The following HDGFL3 variants were observed in gnomAD, a reference collection of about 807,000 sequenced individuals.
HDGFL3 encodes the protein HDGF like 3, also known as hepatoma-derived growth factor-related protein 3.
A neutral mutation model predicts 27.6 loss-of-function variants in HDGFL3; 6 were observed. That is an observed-to-expected ratio of 0.22 (90% confidence interval 0.12 to 0.43). The LOEUF is 0.43. Ranked by LOEUF, HDGFL3 falls within the 20% of genes least tolerant of loss-of-function variation. HDGFL3 has a pLI of 1.00. For synonymous variants in HDGFL3, 88 were observed against 88.9 expected, an observed-to-expected ratio of 0.99 and a Z score of 0.05; for missense variants, 207 against 250.1, an observed-to-expected ratio of 0.83 and a Z score of 1.16.
At chr15:83,141,243 G>A (rs530448261) in intron 5 of HDGFL3, among the ~76,000 whole-genome samples, 1 of 152,182 alleles carries the variant, frequency 6.6e-6, no homozygotes, top group African/African-American at 2.4e-5. Flanking sequence ...CCCTATATTA[G>A]ATAATGGCTG....
At chr15:83,122,053 CT>C (rs1293240841) in intron 3 of HDGFL3, 1 of 1,409,750 alleles carries the variant, frequency 7.1e-7, no homozygotes, top group Non-Finnish European at 9.9e-7. Context: ...AACAATGGGG[CT>C]TGTTTTTAAA....
At chr15:83,187,887 C>CAAA (rs748482520) in intron 1 of HDGFL3, among the ~76,000 whole-genome samples, 8 of 75,484 alleles carry the variant, frequency 1.1e-4, no homozygotes, top group South Asian at 1.0e-3. Flanking sequence ...AACTCTGTCT[C>CAAA]AAAAAAAAAA....
At chr15:83,166,097 C>T (rs759714945) in intron 1 of HDGFL3, among the ~76,000 whole-genome samples, 1 of 151,984 alleles carries the variant, frequency 6.6e-6, no homozygotes, top group Non-Finnish European at 1.5e-5. Context: ...GCAAGAAATC[C>T]AGAGAATACT....
intron 1 of HDGFL3, among the ~76,000 whole-genome samples, chr15:83,188,834 C>A (rs898869657): frequency 3.3e-5 from 5 of 152,106 alleles, no homozygotes; most frequent in Admixed American, 6.6e-5. Context: ...AAACTCCAGA[C>A]CTCTCATATG....
chr15:83,121,418 A>G (rs769094252), intron 3 of HDGFL3, among the ~76,000 whole-genome samples: 1 of 152,152 alleles, frequency 6.6e-6, no homozygotes, highest in African/African-American at 2.4e-5. Flanking sequence ...GATTTGGGGT[A>G]TATGTCTAGC....
At chr15:83,113,511 A>G (rs2034384513) in exon 4 of HDGFL3, 1 of 152,552 alleles carries the variant, frequency 6.6e-6, no homozygotes, top group Admixed American at 6.5e-5. Flanking sequence ...GCCCCAGCCA[A>G]GCTGCTACCG....
chr15:83,159,278 G>A (rs1047092098), intron 2 of HDGFL3, among the ~76,000 whole-genome samples: 30 of 152,148 alleles, frequency 2.0e-4, no homozygotes, highest in African/African-American at 7.2e-4. Flanking sequence ...AAAAAAAGAA[G>A]TTAGAACAAA....
At chr15:83,197,766 T>A (rs1293782345) in intron 1 of HDGFL3, among the ~76,000 whole-genome samples, 1 of 152,024 alleles carries the variant, frequency 6.6e-6, no homozygotes, top group Non-Finnish European at 1.5e-5. Flanking sequence ...ACTTACTACC[T>A]TTAAGAAGTC....
Position 83,136,761 on chromosome 15 carries a change from C to G in HDGFL3, c.*2509G>C, listed in dbSNP as rs866262617. On this transcript the variant is annotated 3_prime_UTR_variant, in exon 6 of 6. Transcript: ENST00000299633. ...TGTCCCATTTCACTCTCTTCTCATA[C>G]GTGAGTACTTAAGAATATGTACATT... is the stretch of plus-strand genomic sequence containing the variant. The G allele has an allele frequency of 1.9e-6, 2 of 1,074,598 alleles. No individual in the cohort carries two copies. The highest frequency in any genetic ancestry group is 2.7e-6 in the Non-Finnish European group (2 of 740,516). 66.6% of individuals were successfully genotyped at this position (1,074,598 alleles called of 1,614,324 possible).
At chr15:83,119,607 G>A (rs898358986) in intron 3 of HDGFL3, 1 of 1,614,058 alleles carries the variant, frequency 6.2e-7, no homozygotes, top group African/African-American at 1.3e-5. Context: ...CCGCATATGG[G>A]CACATGATCT....
chr15:83,130,581 G>C lies in HDGFL3; in HGVS notation c.*8689C>G, dbSNP rs1487826198. On this transcript the variant is annotated 3_prime_UTR_variant, in exon 6 of 6. Transcript: ENST00000299633. ...AGCCCAGCAGGTGAAGACAGACTGA[G>C]TAAAGAATTATGGGTCTGATTCCCA... 1 of 152,250 alleles carries C rather than the reference G, an allele frequency of 6.6e-6. No homozygotes were observed. The highest frequency in any genetic ancestry group is 2.4e-5 in the African/African-American group (1 of 41,460). The allele number at this position is 152,250 out of a possible 1,614,324, so 9.4% of individuals were successfully genotyped here.
chr15:83,153,160 C>T (rs113467834), intron 4 of HDGFL3, among the ~76,000 whole-genome samples: 10,047 of 151,826 alleles, frequency 0.066, 459 homozygotes, highest in Non-Finnish European at 0.1. Flanking sequence ...CCACCACGCC[C>T]GGCTAACTTT....
In HDGFL3 at chr15:83,115,646, A is replaced by G. The variant is rs774564945; in HGVS notation, c.*63T>C. The stretch of plus-strand genomic sequence containing the variant: ...GTTCCCTTGATGAGAGTACTTAGGC[A>G]GGGATGGGGAGAGCTGCGAACACAG... On this transcript the variant is annotated 3_prime_UTR_variant, in exon 4 of 4. Coordinates refer to the HDGFL3 transcript ENST00000568294. 6.7e-4 allele frequency: 461 copies of G among 686,988 alleles called. 2 individuals carry two copies. Among genetic ancestry groups the G allele is most frequent in the Non-Finnish European group, 8.3e-5 (31 of 374,518 alleles). The allele number at this position is 686,988 out of a possible 1,614,324, so 42.6% of individuals were successfully genotyped here.
At chr15:83,171,658 A>G (rs531948505) in intron 1 of HDGFL3, among the ~76,000 whole-genome samples, 1 of 151,478 alleles carries the variant, frequency 6.6e-6, no homozygotes, top group African/African-American at 2.4e-5. Flanking sequence ...AAAATACCGC[A>G]TGTTCTTACT....
intron 2 of HDGFL3, among the ~76,000 whole-genome samples, chr15:83,160,329 G>A (rs944679255): frequency 1.3e-5 from 2 of 152,000 alleles, no homozygotes; most frequent in Admixed American, 1.3e-4. Context: ...TGGGATTATA[G>A]GCACATGCCA....
At chr15:83,168,749 G>A (rs1464554158) in intron 1 of HDGFL3, among the ~76,000 whole-genome samples, 2 of 152,116 alleles carry the variant, frequency 1.3e-5, no homozygotes, top group East Asian at 3.8e-4. Flanking sequence ...AGAAATTGAG[G>A]AGGGATGCCT....
chr15:83,198,261 T>C (rs1395258184), intron 1 of HDGFL3, among the ~76,000 whole-genome samples: 2 of 152,208 alleles, frequency 1.3e-5, no homozygotes, highest in East Asian at 3.9e-4. Context: ...AGACTGTGGC[T>C]ACAGCAGAAT....
intron 1 of HDGFL3, among the ~76,000 whole-genome samples, chr15:83,205,396 A>G (rs2037704793): frequency 3.3e-5 from 5 of 152,016 alleles, no homozygotes; most frequent in Admixed American, 3.3e-4. Context: ...TCTTTCTTGT[A>G]CCTATTTTAT....
At chr15:83,174,755 T>C (rs901962950) in intron 1 of HDGFL3, among the ~76,000 whole-genome samples, 1 of 152,248 alleles carries the variant, frequency 6.6e-6, no homozygotes, top group Non-Finnish European at 1.5e-5. Context: ...GTACTTATTT[T>C]ACTCTTGTGA....
Sources: allele counts gnomAD v4.1 joint callset (sites outside exome capture counted in the v4.1 genomes callset), GRCh38; gene constraint gnomAD v4.1.1; transcripts MANE v1.5; gene names NCBI Gene and HGNC (gene_info 2026-07-23, HGNC 2026-07-21).